JAK2: variants seen among roughly 807,000 people sequenced by gnomAD.
The protein encoded by JAK2 is Janus kinase 2.
JAK2 carries 86 observed loss-of-function variants against 139.3 expected under a neutral mutation model. The observed-to-expected ratio is 0.62, with a 90% confidence interval of 0.52 to 0.74. JAK2 has a LOEUF of 0.74. Among genes scored for constraint, JAK2 ranks in the 30% least tolerant of loss-of-function variants. The pLI is 0.00. For synonymous variants in JAK2, 490 were observed against 437.7 expected, an observed-to-expected ratio of 1.12 and a Z score of -1.49; for missense variants, 1,421 against 1,360.3, an observed-to-expected ratio of 1.04 and a Z score of -0.70.
rs766319770 is a variant in JAK2 at position 5,077,626 on chromosome 9, A to G, written c.1992+46A>G. The G allele has an allele frequency of 1.2e-5, 15 of 1,218,478 alleles. 1 individual carries two copies. The Middle Eastern group carries it at 8.1e-4, about 65-fold the overall frequency. The allele number at this position is 1,218,478 out of a possible 1,614,324, so 75.5% of individuals were successfully genotyped here. On this transcript the variant is annotated intron_variant, in intron 15 of 24. Transcript: ENST00000381652. ...ATCAAAAGATACTATTTTATTTTATAAAACAATATACAAATTATCTTTACC... is the reference window on the plus strand; with the variant it reads ...ATCAAAAGATACTATTTTATTTTATGAAACAATATACAAATTATCTTTACC...
In JAK2 at chr9:5,054,523, G is replaced by C; in HGVS notation, c.615-40G>C. 6.8e-7 allele frequency: 1 copy of C among 1,462,350 alleles called. No individual in the cohort carries two copies. Among genetic ancestry groups the C allele is most frequent in the Non-Finnish European group, 9.2e-7 (1 of 1,081,828 alleles). The allele number at this position is 1,462,350 out of a possible 1,614,324, so 90.6% of individuals were successfully genotyped here. ...TTTTTAGATTTATCTTCCAATTTTT[G>C]TTTTGTTTTGTTTTTCTGTATGTGC... is the stretch of plus-strand genomic sequence containing the variant. On this transcript the variant is annotated intron_variant, in intron 6 of 24. Coordinates refer to ENST00000381652, the MANE Select transcript of JAK2 (RefSeq NM_004972.4). The surrounding 1 kb of genome is among the most constrained non-coding windows in gnomAD (Gnocchi z 4.9).
chr9:5,089,135 A>ATATT (rs1266454471), intron 19 of JAK2, among the ~76,000 whole-genome samples: 3 of 152,242 alleles, frequency 2.0e-5, no homozygotes, highest in Non-Finnish European at 4.4e-5. Flanking sequence ...GAAGTAATTT[A>ATATT]TATTTCAGCC....
chr9:5,126,649 G>T (rs758859180), intron 24 of JAK2, 35 bp from the exon 25 acceptor site: 14 of 1,431,616 alleles, frequency 9.8e-6, no homozygotes, highest in Non-Finnish European at 1.4e-5. Flanking sequence ...GGCCCTTAGT[G>T]TTCATTTAAT....
chr9:5,031,070 T>C (rs1240692608), intron 4 of JAK2, among the ~76,000 whole-genome samples: 1 of 152,144 alleles, frequency 6.6e-6, no homozygotes, highest in Non-Finnish European at 1.5e-5. Context: ...ATTAGAAAGT[T>C]ATTTGAAGAA....
At chr9:5,049,776 C>T (rs944014610) in intron 5 of JAK2, among the ~76,000 whole-genome samples, 3 of 152,130 alleles carry the variant, frequency 2.0e-5, no homozygotes, top group African/African-American at 7.2e-5. Flanking sequence ...TTATACAAAC[C>T]TATATGTTAT....
intron 8 of JAK2, among the ~76,000 whole-genome samples, chr9:5,058,757 T>C (rs1040631347): frequency 2.6e-5 from 4 of 152,224 alleles, no homozygotes; most frequent in South Asian, 2.1e-4. Flanking sequence ...TAGTATCTCA[T>C]TGTGATTTTG....
chr9:4,995,081 T>A (rs1820483762), intron 2 of JAK2, among the ~76,000 whole-genome samples: 1 of 152,342 alleles, frequency 6.6e-6, no homozygotes, highest in African/African-American at 2.4e-5. Context: ...ACACCTTTAC[T>A]AACATTGTGT....
intron 5 of JAK2, among the ~76,000 whole-genome samples, chr9:5,049,469 C>A (rs971580628): frequency 2.0e-5 from 3 of 152,120 alleles, no homozygotes; most frequent in Non-Finnish European, 2.9e-5. Flanking sequence ...TCATACATTT[C>A]TTTATTTTTA....
intron 8 of JAK2, among the ~76,000 whole-genome samples, chr9:5,056,948 C>G (rs1279272981): frequency 6.6e-6 from 1 of 152,122 alleles, no homozygotes; most frequent in Non-Finnish European, 1.5e-5. Flanking sequence ...AACCTAAGCT[C>G]TTAAGTGTGA....
chr9:5,034,888 G>C (rs531535940), intron 4 of JAK2, among the ~76,000 whole-genome samples: 28 of 151,884 alleles, frequency 1.8e-4, no homozygotes, highest in Admixed American at 5.9e-4. Context: ...ACTGAGATCA[G>C]AGCAGAACTG....
chr9:5,109,563 A>C (rs966106292), intron 22 of JAK2: 1 of 152,154 alleles, frequency 6.6e-6, no homozygotes, highest in African/African-American at 2.4e-5. Context: ...ACGTTAGTCA[A>C]CCCCTGCAAA....
intron 2 of JAK2, among the ~76,000 whole-genome samples, chr9:5,011,388 C>T (rs1383787966): frequency 6.6e-6 from 1 of 152,022 alleles, no homozygotes; most frequent in African/African-American, 2.4e-5. Context: ...TGGGGTCTTG[C>T]TATGTTGCCA....
Position 5,071,829 on chromosome 9 carries a change from G to C in JAK2, c.1642-663G>C, listed in dbSNP as rs183931154. Among the ~76,000 whole-genome samples, 16 of 152,292 alleles carry C rather than the reference G, an allele frequency of 1.1e-4. No homozygotes were observed. In the East Asian group the frequency reaches 3.1e-3, roughly 29 times the overall value. Reference sequence around the variant, plus strand: ...CAAATCTAATAAATAGTAGACCTTGGATTTGAACACAAGCAGCCTTACTGC... The same window carrying C: ...CAAATCTAATAAATAGTAGACCTTGCATTTGAACACAAGCAGCCTTACTGC... On this transcript the variant is annotated intron_variant, in intron 12 of 24. Transcript: ENST00000381652.
intron 22 of JAK2, among the ~76,000 whole-genome samples, chr9:5,106,144 T>C (rs879912665): frequency 2.0e-5 from 3 of 151,760 alleles, no homozygotes; most frequent in Non-Finnish European, 4.4e-5. Context: ...TGGGAGAAAA[T>C]TTTTGCAATC....
chr9:5,126,321 G>T lies in JAK2; in HGVS notation c.3178-12G>T. The T allele has an allele frequency of 6.5e-7, 1 of 1,545,164 alleles. No homozygotes were observed. The highest frequency in any genetic ancestry group is 8.9e-7 in the Non-Finnish European group (1 of 1,129,756). On this transcript the variant is annotated splice_polypyrimidine_tract_variant and intron_variant, in intron 23 of 24. Coordinates refer to ENST00000381652, the MANE Select transcript of JAK2 (RefSeq NM_004972.4). ...AAATGTACAAAAAATATTGAAAGTG[G>T]GTTTGTTTTAGGAATTTATGCGTAT...
chr9:5,093,822 T>C (rs1006921974), intron 22 of JAK2, among the ~76,000 whole-genome samples: 2 of 152,186 alleles, frequency 1.3e-5, no homozygotes, highest in African/African-American at 4.8e-5. Context: ...GTAGCCGCTA[T>C]TAAGGGTTCA....
At chr9:5,112,079 G>T (rs979849093) in intron 22 of JAK2, 7 of 385,370 alleles carry the variant, frequency 1.8e-5, no homozygotes. Flanking sequence ...TGGAGAGTAA[G>T]ATAGAAGACC....
intron 5 of JAK2, among the ~76,000 whole-genome samples, 196 bp from the exon 6 acceptor site, chr9:5,050,490 C>A (rs1470082947): frequency 1.3e-5 from 2 of 152,130 alleles, no homozygotes; most frequent in Non-Finnish European, 2.9e-5. Flanking sequence ...AGGCTGGTCT[C>A]AAACTCCTGG....
chr9:5,039,227 C>G (rs988884621), intron 4 of JAK2, among the ~76,000 whole-genome samples: 1 of 151,998 alleles, frequency 6.6e-6, no homozygotes, highest in African/African-American at 2.4e-5. Flanking sequence ...GTAGTCATCC[C>G]GCTGTATCCA....
Sources: allele counts gnomAD v4.1 joint callset (sites outside exome capture counted in the v4.1 genomes callset), GRCh38; gene constraint gnomAD v4.1.1; non-coding constraint Gnocchi (gnomAD v3.1); transcripts MANE v1.5; gene names NCBI Gene and HGNC (gene_info 2026-07-23, HGNC 2026-07-21).